Variants in CNTN4 observed in about 807,000 individuals in gnomAD.
CNTN4 encodes contactin 4.
A neutral mutation model predicts 122.5 loss-of-function variants in CNTN4; 77 were observed. The ratio of observed to expected loss-of-function variants is 0.63; its 90% CI spans 0.52 to 0.76. CNTN4 has a LOEUF of 0.76. Among genes scored for constraint, CNTN4 ranks in the 30% least tolerant of loss-of-function variants. The pLI is 0.00. For synonymous variants in CNTN4, 512 were observed against 447.0 expected (o/e 1.15, Z -1.83); for missense variants, 1,256 against 1,259.1 (o/e 1.00, Z 0.04).
At chr3:2,172,072 A>C (rs2036541830) in intron 2 of CNTN4, among the ~76,000 whole-genome samples, 1 of 152,234 alleles carries the variant, frequency 6.6e-6, no homozygotes, top group Non-Finnish European at 1.5e-5. Context: ...TCCAGGGGAA[A>C]GCTATTTACT....
intron 2 of CNTN4, among the ~76,000 whole-genome samples, chr3:2,301,845 TTAATA>T (rs1348712019): frequency 6.6e-6 from 1 of 152,210 alleles, no homozygotes; most frequent in African/African-American, 2.4e-5. Flanking sequence ...TAAACTCTAC[TTAATA>T]TAATAATAAC....
At chr3:2,585,549 T>C (rs1266227240) in intron 4 of CNTN4, among the ~76,000 whole-genome samples, 2 of 152,024 alleles carry the variant, frequency 1.3e-5, no homozygotes, top group African/African-American at 4.8e-5. Flanking sequence ...GGGACATGGA[T>C]GAAGCTGGAA....
intron 5 of CNTN4, among the ~76,000 whole-genome samples, chr3:2,737,032 C>T (rs903590577): frequency 5.3e-5 from 8 of 152,136 alleles, no homozygotes; most frequent in African/African-American, 7.2e-5. Flanking sequence ...GATCTGCTAG[C>T]CTGAGCCTTC....
chr3:2,529,739 GT>G (rs1022368673), intron 3 of CNTN4, among the ~76,000 whole-genome samples: 19 of 152,182 alleles, frequency 1.2e-4, no homozygotes, highest in Admixed American at 1.1e-3. Flanking sequence ...CTTTACTCTT[GT>G]TTGAGTAACT....
intron 13 of CNTN4, among the ~76,000 whole-genome samples, chr3:2,978,147 G>T (rs895985567): frequency 2.0e-5 from 3 of 152,138 alleles, no homozygotes; most frequent in Non-Finnish European, 4.4e-5. Flanking sequence ...GTTGTAAAGC[G>T]CCTAGTTTGT....
At chr3:3,015,681 A>G (rs116548052) in intron 14 of CNTN4, among the ~76,000 whole-genome samples, 19 of 152,288 alleles carry the variant, frequency 1.2e-4, no homozygotes, top group Admixed American at 3.9e-4. Context: ...AGCACCATCT[A>G]CTGTCCAGAA....
chr3:2,239,602 A>G (rs9879330), intron 2 of CNTN4, among the ~76,000 whole-genome samples: 3,621 of 152,218 alleles, frequency 0.024, 138 homozygotes, highest in African/African-American at 0.083. Context: ...GATGAATCCT[A>G]TGGTCTCTTA....
chr3:3,000,689 T>C (rs1398063271), intron 14 of CNTN4, among the ~76,000 whole-genome samples: 1 of 152,218 alleles, frequency 6.6e-6, no homozygotes, highest in Non-Finnish European at 1.5e-5. Context: ...CTTAGCGTTC[T>C]CAGGGTCTGC....
intron 3 of CNTN4, among the ~76,000 whole-genome samples, chr3:2,501,072 A>C (rs909911483): frequency 2.0e-5 from 3 of 152,002 alleles, no homozygotes; most frequent in African/African-American, 7.3e-5. Context: ...AATACTTGAA[A>C]CTTCTGTTTG....
chr3:2,333,863 C>G (rs144365249), intron 2 of CNTN4, among the ~76,000 whole-genome samples: 2 of 151,302 alleles, frequency 1.3e-5, no homozygotes, highest in African/African-American at 4.9e-5. Context: ...ATCTACATGA[C>G]CTTTACCTCC....
chr3:2,875,019 G>C (rs976157762), intron 8 of CNTN4, among the ~76,000 whole-genome samples: 1 of 152,104 alleles, frequency 6.6e-6, no homozygotes, highest in Admixed American at 6.6e-5. Context: ...GTCTGTCTCT[G>C]TCACCCAGGC....
intron 14 of CNTN4, among the ~76,000 whole-genome samples, chr3:3,017,836 G>A (rs1697910239): frequency 6.6e-6 from 1 of 152,210 alleles, no homozygotes; most frequent in Non-Finnish European, 1.5e-5. Flanking sequence ...CACCATAAGA[G>A]ACAATCAGCA....
At chr3:2,594,297 C>T (rs1203609355) in intron 4 of CNTN4, among the ~76,000 whole-genome samples, 5 of 151,872 alleles carry the variant, frequency 3.3e-5, no homozygotes, top group African/African-American at 4.8e-5. Flanking sequence ...ACACAAAGTA[C>T]ATATTTATCC....
At chr3:2,134,688 T>C (rs1028960530) in intron 2 of CNTN4, among the ~76,000 whole-genome samples, 2 of 152,148 alleles carry the variant, frequency 1.3e-5, no homozygotes, top group African/African-American at 4.8e-5. Context: ...ATCTAGTGAT[T>C]AGAGGCCAGG....
intron 4 of CNTN4, among the ~76,000 whole-genome samples, chr3:2,610,907 C>T (rs895587240): frequency 3.9e-5 from 6 of 152,076 alleles, no homozygotes; most frequent in African/African-American, 1.2e-4. Flanking sequence ...CAGGGAGTTA[C>T]TTGACCTAAA....
At chr3:2,573,114 G>A (rs1337101143) in intron 4 of CNTN4, among the ~76,000 whole-genome samples, 6 of 152,266 alleles carry the variant, frequency 3.9e-5, no homozygotes, top group Non-Finnish European at 5.9e-5. Context: ...AACCGAAGCC[G>A]ACTATAGTCT....
Position 2,443,345 on chromosome 3 carries a change from G to A in CNTN4, c.-89+104112G>A, listed in dbSNP as rs73804559. 3.3e-3 allele frequency among the ~76,000 whole-genome samples: 499 copies of A among 152,220 alleles called. 2 individuals carry two copies. The highest frequency in any genetic ancestry group is 0.011 in the African/African-American group (446 of 41,538). ...AAATGACACAGAAAATGAATGTTGT[G>A]GTCTCATTTGTCAGCCAGGGCCACT... On this transcript the variant is annotated intron_variant, in intron 3 of 24. Transcript: ENST00000418658.
intron 4 of CNTN4, among the ~76,000 whole-genome samples, chr3:2,720,900 A>G (rs1024588776): frequency 2.0e-5 from 3 of 152,230 alleles, no homozygotes; most frequent in Admixed American, 6.5e-5. Context: ...GCATAGTGGT[A>G]GAGCTGAGAT....
At chr3:2,648,548 A>G (rs1338119003) in intron 4 of CNTN4, among the ~76,000 whole-genome samples, 1 of 152,136 alleles carries the variant, frequency 6.6e-6, no homozygotes, top group Non-Finnish European at 1.5e-5. Flanking sequence ...CCCATATAAG[A>G]CGAAGAACTT....
Sources: allele counts gnomAD v4.1 joint callset (sites outside exome capture counted in the v4.1 genomes callset), GRCh38; gene constraint gnomAD v4.1.1; transcripts MANE v1.5; gene names NCBI Gene and HGNC (gene_info 2026-07-23, HGNC 2026-07-21).